Variants in NXPE1 observed in about 807,000 individuals in gnomAD.
The protein encoded by NXPE1 is NXPE family member 1.
A neutral mutation model predicts 33.3 loss-of-function variants in NXPE1; 31 were observed. The ratio of observed to expected loss-of-function variants is 0.93; its 90% CI spans 0.70 to 1.26. NXPE1 has a LOEUF of 1.26. Ranked by LOEUF, NXPE1 falls within the 50% of genes most tolerant of loss-of-function variation. The pLI is 0.00. For missense variants in NXPE1, 661 were observed against 655.6 expected (o/e 1.01, Z -0.09); for synonymous variants, 229 against 231.4 (o/e 0.99, Z 0.09).
At chr11:114,544,813 A>G (rs1156875062) in intron 5 of NXPE1, among the ~76,000 whole-genome samples, 1 of 152,190 alleles carries the variant, frequency 6.6e-6, no homozygotes, top group Non-Finnish European at 1.5e-5. Context: ...TATATTTTAA[A>G]AACACTTATC....
chr11:114,544,358 G>A (rs1428140471), intron 5 of NXPE1, among the ~76,000 whole-genome samples: 1 of 152,204 alleles, frequency 6.6e-6, no homozygotes, highest in East Asian at 1.9e-4. Flanking sequence ...TCAAGACAAT[G>A]CAGTGTTGGT....
At chr11:114,546,920 C>T (rs1948302750) in intron 5 of NXPE1, among the ~76,000 whole-genome samples, 1 of 151,916 alleles carries the variant, frequency 6.6e-6, no homozygotes, top group South Asian at 2.1e-4. Flanking sequence ...GGATTATGTC[C>T]CAAAGTATGA....
At chr11:114,535,514 C>T (rs978871509) in intron 5 of NXPE1, among the ~76,000 whole-genome samples, 1 of 152,166 alleles carries the variant, frequency 6.6e-6, no homozygotes, top group Non-Finnish European at 1.5e-5. Flanking sequence ...CAAGACCCAT[C>T]AGTGTGCTGT....
chr11:114,557,105 G>A (rs1948668838), intron 1 of NXPE1, among the ~76,000 whole-genome samples: 1 of 151,936 alleles, frequency 6.6e-6, no homozygotes, highest in African/African-American at 2.4e-5. Flanking sequence ...TGTTGGCCAG[G>A]CTGGTCTCGA....
chr11:114,544,411 A>T (rs1291196439), intron 5 of NXPE1, among the ~76,000 whole-genome samples: 1 of 152,224 alleles, frequency 6.6e-6, no homozygotes, highest in East Asian at 1.9e-4. Context: ...ATAGAAAGCC[A>T]ATAAACAAAT....
intron 1 of NXPE1, chr11:114,553,852 T>C: frequency 2.1e-6 from 2 of 958,080 alleles, no homozygotes; most frequent in African/African-American, 3.5e-5. Flanking sequence ...GACATCATCT[T>C]GGTAGCTTGA....
At chr11:114,528,276 T>C (rs1947442312) in intron 6 of NXPE1, among the ~76,000 whole-genome samples, 1 of 152,162 alleles carries the variant, frequency 6.6e-6, no homozygotes. Flanking sequence ...GTCATGCAAG[T>C]CTCAGTTTTA....
At chr11:114,545,932 A>C (rs1948265226) in intron 5 of NXPE1, among the ~76,000 whole-genome samples, 1 of 151,706 alleles carries the variant, frequency 6.6e-6, no homozygotes, top group East Asian at 1.9e-4. Flanking sequence ...TTTGCGATCC[A>C]CCCACCTCGG....
chr11:114,522,373 C>T (rs1180943050), exon 9 of NXPE1: 3 of 1,613,966 alleles, frequency 1.9e-6, no homozygotes, highest in Non-Finnish European at 2.5e-6. Flanking sequence ...CATGATCTAT[C>T]AGAGAGTAGA....
At chr11:114,540,706 G>T (rs1014024385) in intron 5 of NXPE1, among the ~76,000 whole-genome samples, 7 of 152,036 alleles carry the variant, frequency 4.6e-5, no homozygotes, top group Non-Finnish European at 1.0e-4. Flanking sequence ...GTGAACAAAA[G>T]CAGGCAAGTT....
At chr11:114,534,252 C>G (rs1412506718) in intron 5 of NXPE1, among the ~76,000 whole-genome samples, 8 of 152,186 alleles carry the variant, frequency 5.3e-5, no homozygotes, top group Non-Finnish European at 1.2e-4. Context: ...AACTAACAAA[C>G]AGAAAGGACA....
chr11:114,559,325 C>G (rs580705), intron 1 of NXPE1, among the ~76,000 whole-genome samples: 58,034 of 151,998 alleles, frequency 0.38, 11,431 homozygotes, highest in East Asian at 0.66. Context: ...TAGACCACAA[C>G]GATCTCTCCC....
intron 7 of NXPE1, among the ~76,000 whole-genome samples, chr11:114,525,192 A>G (rs1365368016): frequency 6.6e-6 from 1 of 151,786 alleles, no homozygotes; most frequent in East Asian, 1.9e-4. Flanking sequence ...TGTTTCGAGA[A>G]ACTGGATGTG....
At chr11:114,554,310 A>C in intron 1 of NXPE1, 2 of 984,580 alleles carry the variant, frequency 2.0e-6, no homozygotes, top group African/African-American at 3.5e-5. Flanking sequence ...CATGTGTGCC[A>C]TACCTCCTCC....
chr11:114,557,652 TATA>T (rs1565320738), intron 1 of NXPE1, among the ~76,000 whole-genome samples: 1 of 61,812 alleles, frequency 1.6e-5, no homozygotes, highest in Non-Finnish European at 3.4e-5. Context: ...TATATATATA[TATA>T]TATATATATA....
intron 5 of NXPE1, among the ~76,000 whole-genome samples, chr11:114,536,100 A>T (rs1381496788): frequency 6.6e-6 from 1 of 152,144 alleles, no homozygotes; most frequent in Non-Finnish European, 1.5e-5. Context: ...CCACAGTGCA[A>T]TCAAACTAGA....
exon 9 of NXPE1, chr11:114,521,738 T>A: frequency 2.2e-6 from 1 of 448,132 alleles, no homozygotes; most frequent in Non-Finnish European, 3.9e-6. Flanking sequence ...ACTTTTTTAA[T>A]ATTTTAAACG....
exon 9 of NXPE1, chr11:114,522,256 G>A: frequency 6.2e-7 from 1 of 1,614,066 alleles, no homozygotes; most frequent in South Asian, 1.1e-5. Flanking sequence ...CGATGGCCCT[G>A]CGAATAAAAA....
chr11:114,551,357 C>G (rs1446322841), intron 4 of NXPE1, 26 bp downstream of exon 4: 4 of 1,413,998 alleles, frequency 2.8e-6, no homozygotes, highest in Admixed American at 2.9e-5. Context: ...TAACTAACAA[C>G]TCATACCCCC....
Sources: gnomAD v4.1 joint callset for allele counts (sites outside exome capture counted in the v4.1 genomes callset) on GRCh38, gnomAD v4.1.1 for gene constraint, MANE v1.5 for transcripts, NCBI Gene and HGNC (gene_info 2026-07-23, HGNC 2026-07-21) for gene names.